Variants in NLRP7 observed in about 807,000 individuals in gnomAD.
NLRP7 encodes NACHT, LRR and PYD domains-containing protein 7.
NLRP7 carries 72 observed loss-of-function variants against 85.5 expected under a neutral mutation model. The ratio of observed to expected loss-of-function variants is 0.84; its 90% CI spans 0.70 to 1.02. NLRP7 has a LOEUF of 1.02. NLRP7 is among the 50% of genes least tolerant of loss of function. NLRP7 has a pLI of 0.00. For missense variants in NLRP7, 1,243 were observed against 1,219.5 expected (o/e 1.02, Z -0.29); for synonymous variants, 550 against 505.2 (o/e 1.09, Z -1.19).
intron 8 of NLRP7, among the ~76,000 whole-genome samples, chr19:54,932,440 T>G: frequency 7.6e-6 from 1 of 131,744 alleles, no homozygotes. Flanking sequence ...AAAAAAAAAA[T>G]GAATCTCAGA....
intron 1 of NLRP7, among the ~76,000 whole-genome samples, chr19:54,953,656 G>T (rs1243659111): frequency 6.6e-6 from 1 of 151,610 alleles, no homozygotes; most frequent in Non-Finnish European, 1.5e-5. Flanking sequence ...TTCTTTGGAG[G>T]TGGAAATTGG....
rs868391337 is a variant in NLRP7 at position 54,939,305 on chromosome 19, G to A, written c.1514C>T (p.Ser505Phe). The A allele has an allele frequency of 3.1e-6, 5 of 1,613,990 alleles. No homozygotes were observed. Among genetic ancestry groups the A allele is most frequent in the East Asian group, 2.2e-5 (1 of 44,896 alleles). Residue 505 changes from serine (S) to phenylalanine (F), a missense_variant, in exon 4 of 10, where the codon TCC becomes TTC. Coordinates refer to ENST00000340844, the Ensembl canonical transcript of NLRP7. ...GGGGTTCTTGAGTCTTTCTTCTCCG[G>A]AAAGCAGCTTCTGTACGTCCCCGAT...
rs116628309 is a variant in NLRP7 at position 54,957,751 on chromosome 19, C to G, written c.-77+8289G>C. On this transcript the variant is annotated intron_variant, in intron 1 of 2. Transcript: ENST00000587103. The stretch of plus-strand genomic sequence containing the variant: ...GACTCCTGTGCATACATAATTGAAT[C>G]TGGTTTTTCTTCTGTCAAACTGTTT... Among the ~76,000 whole-genome samples, 779 of 152,262 alleles carry G rather than the reference C, an allele frequency of 5.1e-3. 6 individuals are homozygous for G. The highest frequency in any genetic ancestry group is 0.018 in the African/African-American group (750 of 41,570).
At position 54,942,743 on chromosome 19, in the gene NLRP7, C is replaced by T. The variant is rs2069289025; in HGVS notation, c.-39-993G>A. Among the ~76,000 whole-genome samples, 3 of 152,216 alleles carry T rather than the reference C, an allele frequency of 2.0e-5. No individual in the cohort carries two copies. The South Asian group carries it at 6.2e-4, about 32-fold the overall frequency. The stretch of plus-strand genomic sequence containing the variant: ...ACAAACAAAAAAACAAATCAGCAAA[C>T]ACTACAAACCAAGACTTCCTCGCCA... On this transcript the variant is annotated intron_variant, in intron 1 of 9. Transcript: ENST00000340844.
intron 1 of NLRP7, among the ~76,000 whole-genome samples, chr19:54,943,142 T>A (rs921792797): frequency 6.7e-6 from 1 of 148,696 alleles, no homozygotes; most frequent in Non-Finnish European, 1.5e-5. Context: ...AGCGAAACTC[T>A]ATCTCAAAAA....
At chr19:54,937,215 CAAAAA>C (rs570045116) in intron 5 of NLRP7, among the ~76,000 whole-genome samples, 1 of 77,604 alleles carries the variant, frequency 1.3e-5, no homozygotes, top group African/African-American at 4.9e-5. Flanking sequence ...GAGACTGTCT[CAAAAA>C]AAAAAAAAAA....
At chr19:54,929,716 C>T (rs1281523615) in intron 9 of NLRP7, among the ~76,000 whole-genome samples, 1 of 152,146 alleles carries the variant, frequency 6.6e-6, no homozygotes, top group Non-Finnish European at 1.5e-5. Context: ...TTCACTTCTC[C>T]AGGCCCTCTA....
chr19:54,941,301 G>A (rs975374951), intron 2 of NLRP7, 134 bp downstream of exon 2: 32 of 713,702 alleles, frequency 4.5e-5, no homozygotes, highest in East Asian at 3.1e-4. Context: ...ACCCAGAGGC[G>A]GAGGTTGCAG....
chr19:54,964,220 T>G (rs2070200492), intron 1 of NLRP7, among the ~76,000 whole-genome samples: 2 of 130,846 alleles, frequency 1.5e-5, no homozygotes, highest in South Asian at 2.7e-4. Context: ...TGTTTTTTTT[T>G]TTTTTTTTTT....
In NLRP7 at chr19:54,945,338, G is replaced by C. The variant is rs183473062; in HGVS notation, c.-40+2131C>G. 2.7e-3 allele frequency among the ~76,000 whole-genome samples: 397 copies of C among 144,662 alleles called. 2 individuals carry two copies. The highest frequency in any genetic ancestry group is 0.013 in the Middle Eastern group (3 of 232). 94.9% of individuals were successfully genotyped at this position (144,662 alleles called of 152,430 possible). A position where few individuals can be genotyped will look rare whatever the true frequency, so the allele number is the denominator to read the frequency against. On this transcript the variant is annotated intron_variant, in intron 1 of 9. Coordinates refer to ENST00000340844, the Ensembl canonical transcript of NLRP7. Reference sequence around the variant, plus strand: ...CGCCCAGGCTGGAGTGCAATGGTGCGAGGCTTACCACAACCTCCTCTTCCC... The same window carrying C: ...CGCCCAGGCTGGAGTGCAATGGTGCCAGGCTTACCACAACCTCCTCTTCCC...
exon 8 of NLRP7, chr19:54,933,726 G>T: frequency 6.2e-7 from 1 of 1,614,036 alleles, no homozygotes; most frequent in South Asian, 1.1e-5. Context: ...TCTGTAAGAC[G>T]ACAGTTTTCC....
intron 9 of NLRP7, among the ~76,000 whole-genome samples, chr19:54,924,944 A>G (rs779045775): frequency 1.1e-4 from 16 of 152,144 alleles, no homozygotes; most frequent in Non-Finnish European, 2.2e-4. Context: ...CTCCAAATAA[A>G]TAAATAAAAA....
At chr19:54,964,116 T>C (rs920414019) in intron 1 of NLRP7, among the ~76,000 whole-genome samples, 1 of 150,462 alleles carries the variant, frequency 6.6e-6, no homozygotes, top group African/African-American at 2.4e-5. Flanking sequence ...CCTGACCTCG[T>C]GATCCACCCG....
Position 54,938,213 on chromosome 19 carries a change from C to T in NLRP7, c.1960G>A (p.Ala654Thr), listed in dbSNP as rs1189687077. The T allele has an allele frequency of 3.1e-6, 5 of 1,613,920 alleles. No individual in the cohort carries two copies. The East Asian group carries it at 6.7e-5, about 22-fold the overall frequency. The change falls in exon 5 of 10, where the codon GCT becomes ACT. Residue 654 changes from alanine (A) to threonine (T), a missense_variant. Ala to Thr is a moderately conservative substitution (Grantham distance 58). Transcript: ENST00000340844. Reference sequence around the variant, plus strand: ...CGAAGAGAGCGAAGATCCTGCCGAGCCCAGTTCGGAATGGTTAGGTAAGTG... The same window carrying T: ...CGAAGAGAGCGAAGATCCTGCCGAGTCCAGTTCGGAATGGTTAGGTAAGTG...
chr19:54,933,993 A>G (rs1356156589), intron 7 of NLRP7, among the ~76,000 whole-genome samples: 1 of 152,166 alleles, frequency 6.6e-6, no homozygotes, highest in African/African-American at 2.4e-5. Flanking sequence ...CCCAGGCTGG[A>G]GTGCAGTGGC....
Position 54,934,429 on chromosome 19 carries a change from C to G in NLRP7, c.2471+60G>C. 1.9e-6 allele frequency: 3 copies of G among 1,565,388 alleles called. 1 individual carries two copies. In the Middle Eastern group the frequency reaches 5.0e-4, roughly 262 times the overall value. On this transcript the variant is annotated intron_variant, in intron 7 of 9. Transcript: ENST00000340844. The surrounding 1 kb of genome is among the most constrained non-coding windows in gnomAD (Gnocchi z 6.7). ...GGTGGCGCAGTAAGTCAGGTGTTAC[C>G]CTTTCTCTTCTATAGCCCCAGAACT...
Position 54,934,986 on chromosome 19 carries a change from C to T in NLRP7, c.2301-327G>A, listed in dbSNP as rs533189260. 2.0e-4 allele frequency among the ~76,000 whole-genome samples: 30 copies of T among 152,192 alleles called. No individual in the cohort carries two copies. Among genetic ancestry groups the T allele is most frequent in the Admixed American group, 4.6e-4 (7 of 15,270 alleles). The stretch of plus-strand genomic sequence containing the variant: ...TACTGGGATTACAGGTGTGAGCCAC[C>T]GCGCCTGGCCCAGATCAGCTTCTTC... On this transcript the variant is annotated intron_variant, in intron 6 of 9. Transcript: ENST00000340844. This position sits in a 1 kb window ranked among gnomAD's most constrained non-coding sequence, Gnocchi z 6.7.
chr19:54,959,398 A>G (rs2069964617), intron 1 of NLRP7, among the ~76,000 whole-genome samples: 1 of 151,262 alleles, frequency 6.6e-6, no homozygotes, highest in Non-Finnish European at 1.5e-5. Flanking sequence ...TGGCCTCCCA[A>G]AGTGCTGGGA....
At chr19:54,942,267 A>AG (rs2069266462) in intron 1 of NLRP7, among the ~76,000 whole-genome samples, 1 of 149,978 alleles carries the variant, frequency 6.7e-6, no homozygotes, top group African/African-American at 2.5e-5. Context: ...AAAAAAAAAA[A>AG]AAAAAAAAAA....
Sources: gnomAD v4.1 joint callset for allele counts (sites outside exome capture counted in the v4.1 genomes callset) on GRCh38, gnomAD v4.1.1 for gene constraint, Gnocchi (gnomAD v3.1) non-coding constraint, MANE v1.5 for transcripts, NCBI Gene and HGNC (gene_info 2026-07-23, HGNC 2026-07-21) for gene names.